Variants in MYT1L observed in about 807,000 individuals in gnomAD.
MYT1L encodes myelin transcription factor 1 like.
A neutral mutation model predicts 126.7 loss-of-function variants in MYT1L; 12 were observed. The observed-to-expected ratio is 0.09, with a 90% CI of 0.06 to 0.15. The LOEUF (loss-of-function observed/expected upper bound fraction) is 0.15. MYT1L is among the 10% of genes least tolerant of loss of function. The pLI, the probability that MYT1L is intolerant of heterozygous loss-of-function variation, is 1.00. For synonymous variants in MYT1L, 541 were observed against 604.2 expected (o/e 0.90, Z 1.53); for missense variants, 979 against 1,585.2 (o/e 0.62, Z 6.49).
intron 18 of MYT1L, among the ~76,000 whole-genome samples, chr2:1,881,513 G>A (rs1363030435): frequency 6.6e-6 from 1 of 152,072 alleles, no homozygotes; most frequent in African/African-American, 2.4e-5. Flanking sequence ...AACTCCAATA[G>A]GCTGTATTTT....
chr2:1,831,525 C>T (rs1356160736), intron 21 of MYT1L, among the ~76,000 whole-genome samples: 2 of 152,288 alleles, frequency 1.3e-5, no homozygotes, highest in African/African-American at 4.8e-5. Context: ...CTCTACAACC[C>T]CCTGAACTTT....
intron 3 of MYT1L, among the ~76,000 whole-genome samples, chr2:2,111,722 A>G (rs1160288651): frequency 2.0e-5 from 3 of 152,194 alleles, no homozygotes; most frequent in African/African-American, 7.2e-5. Flanking sequence ...GAATAGTTGG[A>G]TTGTGTGTGA....
At chr2:1,823,484 G>A (rs1160223877) in intron 21 of MYT1L, among the ~76,000 whole-genome samples, 1 of 152,216 alleles carries the variant, frequency 6.6e-6, no homozygotes, top group African/African-American at 2.4e-5. Flanking sequence ...GGGTGTGGTT[G>A]ACGCTGGAGG....
At chr2:1,939,867 C>T (rs568572166) in intron 9 of MYT1L, among the ~76,000 whole-genome samples, 39 of 152,344 alleles carry the variant, frequency 2.6e-4, no homozygotes, top group Non-Finnish European at 4.3e-4. Context: ...CCAATGGAGA[C>T]GTCCTTCTCC....
chr2:1,796,883 G>C (rs889786924), intron 23 of MYT1L, among the ~76,000 whole-genome samples: 1 of 152,186 alleles, frequency 6.6e-6, no homozygotes, highest in Non-Finnish European at 1.5e-5. Flanking sequence ...CGCTTGCCCA[G>C]GCCGTGCCCT....
intron 21 of MYT1L, chr2:1,825,132 G>GACACGCCACTCCCCTGCCTTCCTGATGGC (rs1228371610): frequency 2.6e-5 from 4 of 152,230 alleles, no homozygotes; most frequent in Admixed American, 2.0e-4. Context: ...AGAGACCTCA[G>GACACGCCACTCCCCTGCCTTCCTGATGGC]ACACGCCACT....
chr2:2,105,723 T>G (rs569030597), intron 3 of MYT1L, among the ~76,000 whole-genome samples: 20 of 152,250 alleles, frequency 1.3e-4, no homozygotes, highest in Non-Finnish European at 2.4e-4. Flanking sequence ...ATTTGCAAAA[T>G]GAATAGAAGT....
chr2:1,996,325 T>G (rs1219296848), intron 5 of MYT1L, among the ~76,000 whole-genome samples: 1 of 143,424 alleles, frequency 7.0e-6, no homozygotes, highest in Non-Finnish European at 1.5e-5. Context: ...GAGGGCCGTC[T>G]TGCCTCAGTG....
chr2:1,986,331 C>T (rs957121787), intron 5 of MYT1L, among the ~76,000 whole-genome samples: 9 of 152,154 alleles, frequency 5.9e-5, no homozygotes, highest in Non-Finnish European at 8.8e-5. Context: ...GCTGGTCAGG[C>T]GGCCTGGGAT....
At chr2:1,968,245 C>T (rs2059530611) in intron 8 of MYT1L, among the ~76,000 whole-genome samples, 2 of 151,294 alleles carry the variant, frequency 1.3e-5, no homozygotes, top group African/African-American at 4.9e-5. Context: ...ATTCACTACC[C>T]TCTGCCCTCT....
chr2:2,084,569 A>G (rs2076172205), intron 3 of MYT1L, among the ~76,000 whole-genome samples: 1 of 152,156 alleles, frequency 6.6e-6, no homozygotes, highest in African/African-American at 2.4e-5. Flanking sequence ...ACAGCCTCAG[A>G]GAAACCGAGT....
In MYT1L at chr2:1,941,858, T is replaced by C. The variant is rs116019235; in HGVS notation, c.505+1124A>G. Among the ~76,000 whole-genome samples the C allele has an allele frequency of 6.2e-3, 951 of 152,292 alleles. 10 individuals are homozygous for C. The highest frequency in any genetic ancestry group is 0.022 in the African/African-American group (918 of 41,548). On this transcript the variant is annotated intron_variant, in intron 9 of 24. Coordinates refer to ENST00000647738, the MANE Select transcript of MYT1L (RefSeq NM_001303052.2). ...AAGCCACTGTAACAATCTAGGATTA[T>C]TTCATAAAATTCAGGTTTCCTAGTA... is the stretch of plus-strand genomic sequence containing the variant.
chr2:2,324,598 G>A (rs1257260069), intron 1 of MYT1L: 1 of 152,676 alleles, frequency 6.5e-6, no homozygotes, highest in Non-Finnish European at 1.5e-5. Context: ...AGGGAAGACG[G>A]GCATGCGTAC....
Position 2,180,904 on chromosome 2 carries a change from GTGTA to G in MYT1L, c.-420-7920_-420-7917del, listed in dbSNP as rs145813359. ...TACCTGTGTGTGTACCTCTGTGCTT[GTGTA>G]TGTACCTGTGTGTGCACCTGTATCT... is the stretch of plus-strand genomic sequence containing the variant. On this transcript the variant is annotated intron_variant, in intron 2 of 24. Transcript: ENST00000647738. Among the ~76,000 whole-genome samples the G allele has an allele frequency of 8.9e-3, 1,315 of 148,582 alleles. 36 individuals carry two copies. The highest frequency in any genetic ancestry group is 0.032 in the African/African-American group (1,244 of 39,488).
intron 24 of MYT1L, 124 bp downstream of exon 24, chr2:1,792,197 G>T: frequency 3.0e-6 from 4 of 1,339,142 alleles, no homozygotes; most frequent in Non-Finnish European, 4.0e-6. Flanking sequence ...TGGTTTCGGG[G>T]TGGTAACCAC....
At chr2:2,233,356 T>A (rs1256956665) in intron 2 of MYT1L, among the ~76,000 whole-genome samples, 1 of 152,124 alleles carries the variant, frequency 6.6e-6, no homozygotes, top group African/African-American at 2.4e-5. Flanking sequence ...GCCTGCCACG[T>A]CTCATCTCAG....
intron 2 of MYT1L, among the ~76,000 whole-genome samples, chr2:2,203,559 T>G (rs189640678): frequency 0.15 from 22,384 of 150,504 alleles, 1,711 homozygotes; most frequent in African/African-American, 0.18. Flanking sequence ...AGAAGGGATG[T>G]GAAGGACCTC....
chr2:1,999,917 G>A (rs187891656), intron 4 of MYT1L, among the ~76,000 whole-genome samples: 45 of 152,298 alleles, frequency 3.0e-4, no homozygotes, highest in Middle Eastern at 6.8e-3. Context: ...ATTCAAATGC[G>A]TGTGAGGTTC....
intron 1 of MYT1L, among the ~76,000 whole-genome samples, chr2:2,291,645 C>T (rs565236477): frequency 6.6e-6 from 1 of 152,172 alleles, no homozygotes; most frequent in African/African-American, 2.4e-5. Flanking sequence ...TGAGTCCCGG[C>T]GCCGTGGCCT....
Sources: gnomAD v4.1 joint callset for allele counts (sites outside exome capture counted in the v4.1 genomes callset) on GRCh38, gnomAD v4.1.1 for gene constraint, MANE v1.5 for transcripts, NCBI Gene and HGNC (gene_info 2026-07-23, HGNC 2026-07-21) for gene names.